Variants in CLASRP observed in about 807,000 individuals in gnomAD.
CLASRP encodes the protein CLK4 associating serine/arginine rich protein, also known as CLK4-associating serine/arginine rich protein.
Under a neutral mutation model 99.9 loss-of-function variants are expected in CLASRP, and 52 were observed. The observed-to-expected ratio is 0.52, with a 90% CI of 0.42 to 0.66. CLASRP has a LOEUF of 0.66. Ranked by LOEUF, CLASRP falls within the 30% of genes least tolerant of loss-of-function variation. The pLI, the probability that CLASRP is intolerant of heterozygous loss-of-function variation, is 0.00. For synonymous variants in CLASRP, 379 were observed against 373.0 expected, an observed-to-expected ratio of 1.02 and a Z score of -0.18; for missense variants, 848 against 999.2, an observed-to-expected ratio of 0.85 and a Z score of 2.04.
chr19:45,044,304 C>T (rs1600093699), intron 2 of CLASRP, among the ~76,000 whole-genome samples: 1 of 152,222 alleles, frequency 6.6e-6, no homozygotes, highest in Admixed American at 6.5e-5. Flanking sequence ...GGTGATGCCA[C>T]GATAACAGCT....
intron 2 of CLASRP, among the ~76,000 whole-genome samples, chr19:45,040,960 C>T (rs183139913): frequency 3.3e-5 from 5 of 151,758 alleles, no homozygotes; most frequent in Middle Eastern, 3.4e-3. Context: ...CAAGACTCAA[C>T]GCCTGTAATC....
At chr19:45,057,621 C>T (rs1972143916) in intron 6 of CLASRP, 129 bp from the exon 7 acceptor site, 1 of 1,031,220 alleles carries the variant, frequency 9.7e-7, no homozygotes, top group African/African-American at 1.6e-5. Context: ...TGGGCAGGAG[C>T]AGAGGGTCCT....
At chr19:45,055,101 C>A (rs891415970) in intron 5 of CLASRP, among the ~76,000 whole-genome samples, 2 of 152,186 alleles carry the variant, frequency 1.3e-5, no homozygotes, top group Non-Finnish European at 2.9e-5. Flanking sequence ...TTTATTCATT[C>A]ACTTCCACAA....
intron 8 of CLASRP, among the ~76,000 whole-genome samples, chr19:45,059,980 C>G (rs1400575913): frequency 2.0e-5 from 3 of 152,174 alleles, no homozygotes; most frequent in African/African-American, 7.2e-5. Flanking sequence ...CTGGGCCACT[C>G]TGTCTGCTGT....
chr19:45,056,658 C>A, intron 6 of CLASRP, 124 bp downstream of exon 6: 1 of 772,098 alleles, frequency 1.3e-6, no homozygotes, highest in Non-Finnish European at 2.2e-6. Context: ...GTTCAGCACA[C>A]AGTCAGTGCT....
At position 45,069,049 on chromosome 19, in the gene CLASRP, G is replaced by A. The variant is rs1967169568; in HGVS notation, c.1769-17G>A. On this transcript the variant is annotated splice_polypyrimidine_tract_variant and intron_variant, in intron 16 of 20. Transcript: ENST00000221455. ...CTTAAGGGAACCCCTCAGCCACCCT[G>A]TTCTTTCTCTCTACAGTCAAGGCGG... The A allele has an allele frequency of 6.2e-7, 1 of 1,612,634 alleles. No individual in the cohort carries two copies. Among genetic ancestry groups the A allele is most frequent in the Non-Finnish European group, 8.5e-7 (1 of 1,178,790 alleles).
rs778486105 is a variant in CLASRP, at chr19:45,064,225, C to G, written c.1119C>G (p.Ala373=). Residue 373 remains alanine (A), a splice_region_variant and synonymous_variant, in exon 12 of 21, where the codon GCC becomes GCG. Coordinates refer to ENST00000221455, the MANE Select transcript of CLASRP (RefSeq NM_007056.3). The part of the protein sequence containing the change: ...GGPAPGRNAS[A]RRRSSSSSSS... Reference sequence around the variant, plus strand: ...CCGCCCCGGGACGTAATGCCAGCGCCCGGTCGGTAACGCTCACGCCGCCCG... The same window carrying G: ...CCGCCCCGGGACGTAATGCCAGCGCGCGGTCGGTAACGCTCACGCCGCCCG... 1.3e-6 allele frequency: 2 copies of G among 1,589,296 alleles called. No individual in the cohort carries two copies. Among genetic ancestry groups the G allele is most frequent in the Non-Finnish European group, 1.7e-6 (2 of 1,169,384 alleles).
At chr19:45,055,702 G>A (rs1044190008) in intron 5 of CLASRP, among the ~76,000 whole-genome samples, 28 of 152,208 alleles carry the variant, frequency 1.8e-4, no homozygotes, top group African/African-American at 6.5e-4. Flanking sequence ...GCACGGTGGC[G>A]CCTGCCTGTA....
In CLASRP at chr19:45,060,481, T is replaced by TC; in HGVS notation, c.789+14_789+15insC. The TC allele has an allele frequency of 6.2e-7, 1 of 1,614,112 alleles. No homozygotes were observed. Among genetic ancestry groups the TC allele is most frequent in the South Asian group, 1.1e-5 (1 of 91,086 alleles). On this transcript the variant is annotated intron_variant, in intron 9 of 20. Coordinates refer to ENST00000221455, the MANE Select transcript of CLASRP (RefSeq NM_007056.3). The surrounding 1 kb of genome is among the most constrained non-coding windows in gnomAD (Gnocchi z 4.6). ...GCCATGTACTCGGTGAGGTCTGGGC[T>TC]GGAGTGGAAGGGGACAGGGGTGTGT... is the stretch of plus-strand genomic sequence containing the variant.
chr19:45,050,938 C>T (rs1231318326), intron 2 of CLASRP, among the ~76,000 whole-genome samples: 5 of 151,930 alleles, frequency 3.3e-5, no homozygotes, highest in African/African-American at 1.2e-4. Flanking sequence ...AGGCTGGTCT[C>T]GAACTCCTGA....
chr19:45,051,180 T>C (rs1972015899), intron 2 of CLASRP, among the ~76,000 whole-genome samples: 1 of 152,112 alleles, frequency 6.6e-6, no homozygotes, highest in African/African-American at 2.4e-5. Flanking sequence ...CACCAGTCTC[T>C]AAATGAACGG....
At chr19:45,050,395 A>G (rs1021542661) in intron 2 of CLASRP, among the ~76,000 whole-genome samples, 10 of 152,160 alleles carry the variant, frequency 6.6e-5, no homozygotes, top group African/African-American at 2.4e-4. Context: ...AGACTATAAC[A>G]AGTAGTAGGC....
intron 2 of CLASRP, among the ~76,000 whole-genome samples, chr19:45,042,198 T>C (rs1600091466): frequency 6.6e-6 from 1 of 151,862 alleles, no homozygotes; most frequent in African/African-American, 2.4e-5. Context: ...AGAAATTAGC[T>C]GGAGGTGGTG....
intron 15 of CLASRP, 95 bp from the exon 16 acceptor site, chr19:45,068,325 C>CA (rs1461131465): frequency 9.6e-6 from 6 of 624,244 alleles, no homozygotes; most frequent in East Asian, 5.6e-5. Context: ...CCCCCCACCC[C>CA]CCCCCCGCAC....
chr19:45,070,823 G>A lies in CLASRP; in HGVS notation c.2003G>A (p.Arg668Gln), dbSNP rs755598805. 10 of 1,562,854 alleles carry A rather than the reference G, an allele frequency of 6.4e-6. No individual in the cohort carries two copies. The South Asian group carries it at 6.6e-5, about 10-fold the overall frequency. ...TCCAGGCGCTCAAGGTCCCGATCCCGAAGCCCCCATTACCGACATTAGGCA... is the reference window on the plus strand; with the variant it reads ...TCCAGGCGCTCAAGGTCCCGATCCCAAAGCCCCCATTACCGACATTAGGCA... Reference protein sequence around the residue: ...SSRRRSRSRSRSPHYRH With the variant: ...SSRRRSRSRSQSPHYRH The change falls in exon 21 of 21, where the codon CGA becomes CAA. Residue 668 changes from arginine to glutamine, a missense_variant. Arg to Gln is a conservative substitution (Grantham distance 43, BLOSUM62 1). Coordinates refer to ENST00000221455, the MANE Select transcript of CLASRP (RefSeq NM_007056.3).
intron 6 of CLASRP, 100 bp from the exon 7 acceptor site, chr19:45,057,650 A>G (rs1972144438): frequency 1.4e-6 from 2 of 1,385,816 alleles, no homozygotes. Context: ...GGAGAGCCTG[A>G]GGGGAGGGGG....
intron 2 of CLASRP, among the ~76,000 whole-genome samples, chr19:45,047,712 A>G (rs968972450): frequency 6.6e-6 from 1 of 152,214 alleles, no homozygotes; most frequent in African/African-American, 2.4e-5. Flanking sequence ...CTGTTGCACC[A>G]CAGGGTGGAT....
intron 2 of CLASRP, among the ~76,000 whole-genome samples, chr19:45,044,421 A>G (rs972610962): frequency 2.6e-5 from 4 of 152,160 alleles, no homozygotes; most frequent in African/African-American, 9.7e-5. Flanking sequence ...TACTATTTCC[A>G]TTTTACAGAG....
rs148950922 is a variant in CLASRP, at chr19:45,049,562, T to TG, written c.100-2508dup. 4.9e-3 allele frequency among the ~76,000 whole-genome samples: 739 copies of TG among 152,242 alleles called. 2 individuals carry two copies. The highest frequency in any genetic ancestry group is 0.017 in the African/African-American group (727 of 41,546). ...AGGTATTAGCTGTGGTCCTGGTGAG[T>TG]GACTCAGCTCCTTCAGCCCGGACTG... is the stretch of plus-strand genomic sequence containing the variant. On this transcript the variant is annotated intron_variant, in intron 2 of 20. Transcript: ENST00000221455.
Sources: gnomAD v4.1 joint callset for allele counts (sites outside exome capture counted in the v4.1 genomes callset) on GRCh38, gnomAD v4.1.1 for gene constraint, Gnocchi (gnomAD v3.1) non-coding constraint, MANE v1.5 for transcripts, NCBI Gene and HGNC (gene_info 2026-07-23, HGNC 2026-07-21) for gene names.